The following VPS13B variants were observed in gnomAD, a reference collection of about 807,000 sequenced individuals.
The protein encoded by VPS13B is intermembrane lipid transfer protein VPS13B.
VPS13B carries 285 observed loss-of-function variants against 426.4 expected under a neutral mutation model. The observed-to-expected ratio is 0.67, with a 90% confidence interval of 0.61 to 0.74. The LOEUF (loss-of-function observed/expected upper bound fraction) is 0.74. VPS13B is among the 30% of genes least tolerant of loss of function. The probability of loss-of-function intolerance (pLI) is 0.00; values close to 1 mark genes in which losing one functional copy is unlikely to be tolerated. For missense variants in VPS13B, 4,537 were observed against 4,782.6 expected, an observed-to-expected ratio of 0.95 and a Z score of 1.51; for synonymous variants, 1,676 against 1,676.4, an observed-to-expected ratio of 1.00 and a Z score of 0.01.
intron 33 of VPS13B, among the ~76,000 whole-genome samples, chr8:99,593,261 G>C (rs1826787687): frequency 6.6e-6 from 1 of 151,976 alleles, no homozygotes. Context: ...GACGTGGACA[G>C]ATACTTCTCA....
intron 21 of VPS13B, among the ~76,000 whole-genome samples, chr8:99,409,174 C>T (rs938898347): frequency 6.6e-6 from 1 of 152,042 alleles, no homozygotes; most frequent in African/African-American, 2.4e-5. Flanking sequence ...TTGCTGATGA[C>T]ATATCATGAG....
chr8:99,316,300 G>A (rs542636314), intron 19 of VPS13B, among the ~76,000 whole-genome samples: 4 of 152,292 alleles, frequency 2.6e-5, no homozygotes, highest in East Asian at 1.9e-4. Context: ...TAGTGGCAGC[G>A]GAGGGCAGGG....
chr8:99,200,388 T>C (rs1814237117), intron 17 of VPS13B, among the ~76,000 whole-genome samples: 2 of 152,178 alleles, frequency 1.3e-5, no homozygotes, highest in Non-Finnish European at 2.9e-5. Context: ...TTTTTGTGAA[T>C]GTATGCTTTT....
intron 33 of VPS13B, among the ~76,000 whole-genome samples, chr8:99,639,784 T>A (rs954610108): frequency 6.7e-6 from 1 of 149,026 alleles, no homozygotes; most frequent in African/African-American, 2.4e-5. Context: ...CAGGTTGGGC[T>A]ACACTATGAG....
At chr8:99,608,135 A>G (rs1301799745) in intron 33 of VPS13B, among the ~76,000 whole-genome samples, 1 of 150,036 alleles carries the variant, frequency 6.7e-6, no homozygotes, top group Non-Finnish European at 1.5e-5. Flanking sequence ...CAGTGGTAGT[A>G]TATTTTTTAA....
At chr8:99,647,787 G>T (rs891832468) in intron 34 of VPS13B, among the ~76,000 whole-genome samples, 1 of 151,818 alleles carries the variant, frequency 6.6e-6, no homozygotes, top group African/African-American at 2.4e-5. Context: ...AATTCATAAG[G>T]GTCTTAAAAA....
At chr8:99,186,695 G>A (rs1368781834) in intron 16 of VPS13B, among the ~76,000 whole-genome samples, 2 of 152,128 alleles carry the variant, frequency 1.3e-5, no homozygotes, top group African/African-American at 4.8e-5. Context: ...TTTATTTGTT[G>A]TGGGTTACAG....
intron 51 of VPS13B, among the ~76,000 whole-genome samples, chr8:99,825,658 T>C (rs1173621814): frequency 6.6e-6 from 1 of 152,242 alleles, no homozygotes; most frequent in Non-Finnish European, 1.5e-5. Context: ...GCCTATGTCC[T>C]GAATGGTATT....
chr8:99,525,000 T>G (rs1488778357), intron 30 of VPS13B, among the ~76,000 whole-genome samples: 1 of 152,192 alleles, frequency 6.6e-6, no homozygotes, highest in Non-Finnish European at 1.5e-5. Flanking sequence ...CTAAAGGATT[T>G]CATCAACATG....
At chr8:99,521,151 C>T in intron 30 of VPS13B, 141 bp downstream of exon 30, 1 of 705,552 alleles carries the variant, frequency 1.4e-6, no homozygotes, top group Non-Finnish European at 2.4e-6. Context: ...TTCTGATTTT[C>T]TTCAGTTGTG....
chr8:99,144,807 C>G (rs754025683), intron 13 of VPS13B, among the ~76,000 whole-genome samples: 5 of 151,514 alleles, frequency 3.3e-5, no homozygotes, highest in Non-Finnish European at 5.9e-5. Context: ...ATGGGGTAGA[C>G]AAATAGTAAA....
intron 19 of VPS13B, among the ~76,000 whole-genome samples, chr8:99,281,694 T>G (rs1221160276): frequency 6.6e-6 from 1 of 152,258 alleles, no homozygotes; most frequent in Non-Finnish European, 1.5e-5. Flanking sequence ...GATCCTTGTC[T>G]TCTGCAGCCT....
intron 30 of VPS13B, among the ~76,000 whole-genome samples, chr8:99,521,778 A>G (rs1237374249): frequency 6.6e-6 from 1 of 152,170 alleles, no homozygotes; most frequent in Non-Finnish European, 1.5e-5. Context: ...TTCTCCAGTA[A>G]ATGTTACTGC....
intron 17 of VPS13B, among the ~76,000 whole-genome samples, chr8:99,219,357 C>T (rs2132821618): frequency 6.6e-6 from 1 of 152,306 alleles, no homozygotes; most frequent in Middle Eastern, 3.4e-3. Context: ...GAATCAGACT[C>T]TGACATTTTG....
chr8:99,874,779 A>ACTT (rs1460285000), intron 61 of VPS13B, among the ~76,000 whole-genome samples: 4 of 152,350 alleles, frequency 2.6e-5, no homozygotes, highest in Non-Finnish European at 4.4e-5. Flanking sequence ...GATGAGCCAG[A>ACTT]CTTTTATGAA....
intron 33 of VPS13B, among the ~76,000 whole-genome samples, chr8:99,615,237 A>G (rs1420183489): frequency 6.6e-6 from 1 of 152,126 alleles, no homozygotes; most frequent in Non-Finnish European, 1.5e-5. Flanking sequence ...TATTATAAGT[A>G]ATATTATTAG....
chr8:99,066,361 A>G (rs1346801501), intron 3 of VPS13B, among the ~76,000 whole-genome samples: 1 of 152,222 alleles, frequency 6.6e-6, no homozygotes, highest in Admixed American at 6.5e-5. Flanking sequence ...ATCTACAACC[A>G]TCTGATCTTT....
At chr8:99,742,379 C>T (rs1250112506) in intron 39 of VPS13B, among the ~76,000 whole-genome samples, 1 of 152,128 alleles carries the variant, frequency 6.6e-6, no homozygotes, top group African/African-American at 2.4e-5. Flanking sequence ...GATTCACAGC[C>T]GAATTCTACC....
chr8:99,074,244 T>C (rs1036268620), intron 3 of VPS13B, among the ~76,000 whole-genome samples: 1 of 152,196 alleles, frequency 6.6e-6, no homozygotes, highest in Non-Finnish European at 1.5e-5. Context: ...ATCCCTAATA[T>C]GTTGGGAGGT....
Sources: allele counts gnomAD v4.1 joint callset (sites outside exome capture counted in the v4.1 genomes callset), GRCh38; gene constraint gnomAD v4.1.1; transcripts MANE v1.5; gene names NCBI Gene and HGNC (gene_info 2026-07-23, HGNC 2026-07-21).